The following MLN variants were observed in gnomAD, a reference collection of about 807,000 sequenced individuals.
MLN encodes the protein motilin.
MLN carries 14 observed loss-of-function variants against 13.3 expected under a neutral mutation model. The ratio of observed to expected loss-of-function variants is 1.05; its 90% confidence interval spans 0.69 to 1.64. The LOEUF (loss-of-function observed/expected upper bound fraction) is 1.64. Among genes scored for constraint, MLN ranks in the 40% most tolerant of loss-of-function variants. The pLI is 0.00. For synonymous variants in MLN, 59 were observed against 54.7 expected (o/e 1.08, Z -0.34); for missense variants, 122 against 142.9 (o/e 0.85, Z 0.75).
At chr6:33,802,642 T>C (rs569200745) in intron 1 of MLN, among the ~76,000 whole-genome samples, 39 of 152,168 alleles carry the variant, frequency 2.6e-4, no homozygotes, top group Non-Finnish European at 4.7e-4. Flanking sequence ...TCAAACTCCA[T>C]GAACAAGAAC....
At chr6:33,795,350 G>A (rs2296749) in intron 4 of MLN, among the ~76,000 whole-genome samples, 153 bp downstream of exon 4, 18,592 of 152,278 alleles carry the variant, frequency 0.12, 1,464 homozygotes, top group Middle Eastern at 0.22. Flanking sequence ...GCCACCAGCA[G>A]GTATCACAGC....
intron 3 of MLN, 66 bp from the exon 4 acceptor site, chr6:33,795,671 T>C (rs759984955): frequency 1.5e-6 from 2 of 1,370,072 alleles, no homozygotes; most frequent in African/African-American, 1.4e-5. Context: ...CTGGGTGCAC[T>C]ACAGGTGGCA....
intron 3 of MLN, 50 bp from the exon 4 acceptor site, chr6:33,795,655 T>C (rs1277100464): frequency 2.7e-6 from 4 of 1,483,232 alleles, no homozygotes; most frequent in Non-Finnish European, 3.7e-6. Flanking sequence ...AGAGGGCCCT[T>C]AACCCCTGGG....
chr6:33,794,690 A>T lies in MLN; in HGVS notation c.*135T>A. The T allele has an allele frequency of 2.1e-6, 2 of 949,890 alleles. No individual in the cohort carries two copies. Among genetic ancestry groups the T allele is most frequent in the Non-Finnish European group, 3.1e-6 (2 of 646,702 alleles). 58.8% of individuals were successfully genotyped at this position (949,890 alleles called of 1,614,324 possible). On this transcript the variant is annotated 3_prime_UTR_variant, in exon 5 of 5. Transcript: ENST00000430124. ...GTCATTTCTGTATATTTCATGCTTT[A>T]TTTGCTGGAGGGGAATTTGCTTTGG...
At position 33,799,402 on chromosome 6, in the gene MLN, T is replaced by G. The variant is rs1191514757; in HGVS notation, c.118-181A>C. Among the ~76,000 whole-genome samples, 4 of 152,190 alleles carry G rather than the reference T, an allele frequency of 2.6e-5. No homozygotes were observed. Among genetic ancestry groups the G allele is most frequent in the African/African-American group, 9.7e-5 (4 of 41,440 alleles). On this transcript the variant is annotated intron_variant, in intron 2 of 4. Coordinates refer to ENST00000430124, the MANE Select transcript of MLN (RefSeq NM_002418.3). The surrounding 1 kb of genome is among the most constrained non-coding windows in gnomAD (Gnocchi z 4.6). ...CAGATACTAACTAGTGGCTCATGGATGTCCCTTGAGGTTGCCCACCAAGGG... is the reference window on the plus strand; with the variant it reads ...CAGATACTAACTAGTGGCTCATGGAGGTCCCTTGAGGTTGCCCACCAAGGG...
intron 3 of MLN, 45 bp from the exon 4 acceptor site, chr6:33,795,650 G>A: frequency 6.6e-7 from 1 of 1,508,062 alleles, no homozygotes; most frequent in Non-Finnish European, 9.0e-7. Context: ...GGTGGAGAGG[G>A]CCCTTAACCC....
At position 33,795,601 on chromosome 6, in the gene MLN, G is replaced by A; in HGVS notation, c.239C>T (p.Thr80Ile). Residue 80 changes from threonine (T) to isoleucine (I), a missense_variant, in exon 4 of 5, where the codon ACT becomes ATT. Transcript: ENST00000430124. ...REEENEMIKL[T>I]APLEIGMRMN... ...CCTCATTCCAATTTCCAGAGGAGCAGTCAGCTGTGAAATAAGGCAGCGTTA... is the reference window on the plus strand; with the variant it reads ...CCTCATTCCAATTTCCAGAGGAGCAATCAGCTGTGAAATAAGGCAGCGTTA... 9 of 1,555,592 alleles carry A rather than the reference G, an allele frequency of 5.8e-6. No individual in the cohort carries two copies. Among genetic ancestry groups the A allele is most frequent in the Non-Finnish European group, 7.8e-6 (9 of 1,148,554 alleles).
In MLN at chr6:33,799,127, T is replaced by C; in HGVS notation, c.212A>G (p.Glu71Gly). The C allele has an allele frequency of 6.2e-7, 1 of 1,609,822 alleles. No individual in the cohort carries two copies. The highest frequency in any genetic ancestry group is 1.1e-5 in the South Asian group (1 of 90,782). The change falls in exon 3 of 5, where the codon GAA becomes GGA. Residue 71 changes from glutamate to glycine, a missense_variant. Glu to Gly is a moderately conservative substitution (Grantham distance 98). Transcript: ENST00000430124. The surrounding 1 kb of genome is among the most constrained non-coding windows in gnomAD (Gnocchi z 4.6). Reference sequence around the variant, plus strand: ...CACCTTGATCATTTCGTTTTCTTCTTCCCTGATGGGCTCCGCAGGGTCTAC... The same window carrying C: ...CACCTTGATCATTTCGTTTTCTTCTCCCCTGATGGGCTCCGCAGGGTCTAC... ...GPVDPAEPIR[E>G]EENEMIKLTA... is the part of the protein sequence containing the mutation.
At chr6:33,794,960 G>C (rs1047414176) in intron 4 of MLN, 125 bp from the exon 5 acceptor site, 76 of 1,251,928 alleles carry the variant, frequency 6.1e-5, no homozygotes, top group Middle Eastern at 6.0e-4. Context: ...GGGAAGGTGG[G>C]AAGTTTTGCA....
In MLN at chr6:33,803,655, C is replaced by T. The variant is rs928360947; in HGVS notation, c.-8+298G>A. Among the ~76,000 whole-genome samples the T allele has an allele frequency of 2.6e-5, 4 of 152,218 alleles. No homozygotes were observed. Among genetic ancestry groups the T allele is most frequent in the Admixed American group, 6.5e-5 (1 of 15,290 alleles). On this transcript the variant is annotated intron_variant, in intron 1 of 4. Coordinates refer to ENST00000430124, the MANE Select transcript of MLN (RefSeq NM_002418.3). This position sits in a 1 kb window ranked among gnomAD's most constrained non-coding sequence, Gnocchi z 4.5. ...AGCCACCATGCCAAGAGGGGCCCTGCGCCCATGATGAGCTCTGGCTTGGGT... is the reference window on the plus strand; with the variant it reads ...AGCCACCATGCCAAGAGGGGCCCTGTGCCCATGATGAGCTCTGGCTTGGGT...
intron 3 of MLN, among the ~76,000 whole-genome samples, chr6:33,798,459 C>T (rs1767972557): frequency 1.3e-5 from 2 of 152,230 alleles, no homozygotes; most frequent in African/African-American, 2.4e-5. Flanking sequence ...GTGTTGAGGC[C>T]TGTGGCTGGC....
chr6:33,800,366 T>G (rs995933513), intron 2 of MLN, among the ~76,000 whole-genome samples: 2 of 152,230 alleles, frequency 1.3e-5, no homozygotes, highest in Non-Finnish European at 1.5e-5. Context: ...TCCATTTTCC[T>G]TAGGCTCCAC....
chr6:33,800,933 G>T (rs1729120160), intron 2 of MLN, 114 bp downstream of exon 2: 2 of 790,516 alleles, frequency 2.5e-6, no homozygotes, highest in Non-Finnish European at 2.2e-6. Context: ...CAGAGAGGTG[G>T]CTGGAACTGG....
intron 3 of MLN, among the ~76,000 whole-genome samples, chr6:33,798,048 G>T (rs1242364464): frequency 6.6e-6 from 1 of 152,142 alleles, no homozygotes; most frequent in Non-Finnish European, 1.5e-5. Flanking sequence ...AGAAATCCTT[G>T]TGGTTCATGC....
rs1760903831 is a variant in MLN, at chr6:33,803,642, A to G, written c.-8+311T>C. On this transcript the variant is annotated intron_variant, in intron 1 of 4. Coordinates refer to ENST00000430124, the MANE Select transcript of MLN (RefSeq NM_002418.3). The surrounding 1 kb of genome is among the most constrained non-coding windows in gnomAD (Gnocchi z 4.5). ...CTTTCCAGAGCAAAGCCACCATGCC[A>G]AGAGGGGCCCTGCGCCCATGATGAG... Among the ~76,000 whole-genome samples the G allele has an allele frequency of 1.3e-5, 2 of 152,318 alleles. No individual in the cohort carries two copies. The highest frequency in any genetic ancestry group is 1.3e-4 in the Admixed American group (2 of 15,310).
In MLN at chr6:33,799,216, C is replaced by T. The variant is rs199860474; in HGVS notation, c.123G>A (p.Lys41=). Residue 41 remains lysine (K), a synonymous_variant, in exon 3 of 5, where the codon AAG becomes AAA. Coordinates refer to ENST00000430124, the MANE Select transcript of MLN (RefSeq NM_002418.3). The surrounding 1 kb of genome is among the most constrained non-coding windows in gnomAD (Gnocchi z 4.6). ...TYGELQRMQE[K]ERNKGQKKSL... ...ATTTCTTTTGCCCTTTATTCCGTTC[C>T]TTTTCCTAGGGGCAGAACAGAAAAT... The T allele has an allele frequency of 1.0e-4, 164 of 1,610,000 alleles. 1 individual carries two copies. The East Asian group carries it at 3.6e-3, about 36-fold the overall frequency.
intron 4 of MLN, 134 bp from the exon 5 acceptor site, chr6:33,794,969 C>A (rs1056106311): frequency 3.4e-5 from 37 of 1,093,438 alleles, no homozygotes; most frequent in South Asian, 4.5e-5. Context: ...GGAAGTTTTG[C>A]AAGGAGCCTG....
At chr6:33,798,262 C>G (rs1469621722) in intron 3 of MLN, among the ~76,000 whole-genome samples, 2 of 152,186 alleles carry the variant, frequency 1.3e-5, no homozygotes, top group African/African-American at 4.8e-5. Flanking sequence ...TTTCTTCTTT[C>G]CTATGGAGTG....
chr6:33,798,659 C>T (rs2127387879), intron 3 of MLN, among the ~76,000 whole-genome samples: 1 of 152,356 alleles, frequency 6.6e-6, no homozygotes, highest in South Asian at 2.1e-4. Flanking sequence ...GCCATGCTGA[C>T]CTCTCGCCCA....
Sources: gnomAD v4.1 joint callset for allele counts (sites outside exome capture counted in the v4.1 genomes callset) on GRCh38, gnomAD v4.1.1 for gene constraint, Gnocchi (gnomAD v3.1) non-coding constraint, MANE v1.5 for transcripts, NCBI Gene and HGNC (gene_info 2026-07-23, HGNC 2026-07-21) for gene names.